Variants in RASL12 observed in about 807,000 individuals in gnomAD.
The protein encoded by RASL12 is RAS like family 12.
Under a neutral mutation model 22.9 loss-of-function variants are expected in RASL12, and 16 were observed. The ratio of observed to expected loss-of-function variants is 0.70; its 90% CI spans 0.47 to 1.06. The LOEUF (loss-of-function observed/expected upper bound fraction) is 1.06, where lower values mean the gene tolerates loss of function less well. Ranked by LOEUF, RASL12 falls within the 50% of genes least tolerant of loss-of-function variation. The probability of loss-of-function intolerance (pLI) is 0.00; values close to 1 mark genes in which losing one functional copy is unlikely to be tolerated. For missense variants in RASL12, 306 were observed against 353.1 expected (o/e 0.87, Z 1.07); for synonymous variants, 159 against 152.2 (o/e 1.04, Z -0.33).
intron 1 of RASL12, among the ~76,000 whole-genome samples, chr15:65,076,290 A>C (rs2086968600): frequency 1.3e-5 from 2 of 152,016 alleles, no homozygotes; most frequent in South Asian, 4.2e-4. Context: ...GAGCTGTAAC[A>C]CTCACCGTGA....
In RASL12 at chr15:65,055,054, G is replaced by T; in HGVS notation, c.646C>A (p.Leu216Met). The T allele has an allele frequency of 6.2e-7, 1 of 1,613,470 alleles. No individual in the cohort carries two copies. The highest frequency in any genetic ancestry group is 2.2e-5 in the East Asian group (1 of 44,866). The change falls in exon 5 of 5, where the codon CTG becomes ATG. Residue 216 changes from leucine to methionine, a missense_variant. Transcript: ENST00000220062. ...HQAPLTARHG[L>M]ASCTFNTLST... is the part of the protein sequence containing the mutation. ...AGCGTGTTGAAGGTGCAGCTGGCCA[G>T]CCCATGCCGCGCGGTGAGCGGGGCC...
chr15:65,072,379 C>T (rs2086937866), upstream of RASL12, among the ~76,000 whole-genome samples: 1 of 152,196 alleles, frequency 6.6e-6, no homozygotes, highest in Non-Finnish European at 1.5e-5. Flanking sequence ...AGGGGAGGCA[C>T]ATTTGTGTTG....
At position 65,067,959 on chromosome 15, in the gene RASL12, C is replaced by A; in HGVS notation, c.-124G>T. 1 of 1,189,344 alleles carries A rather than the reference C, an allele frequency of 8.4e-7. No homozygotes were observed. The highest frequency in any genetic ancestry group is 1.0e-6 in the Non-Finnish European group (1 of 960,730). The allele number at this position is 1,189,344 out of a possible 1,614,324, so 73.7% of individuals were successfully genotyped here. On this transcript the variant is annotated 5_prime_UTR_variant, in exon 1 of 5. Transcript: ENST00000220062. ...GAGCGCGCGGCCCCGGACCCGTCGG[C>A]GTCCGCGCCCTCGGCCCCGCGTCCA... is the stretch of plus-strand genomic sequence containing the variant.
chr15:65,065,177 G>A, intron 2 of RASL12, 40 bp downstream of exon 2: 4 of 1,597,550 alleles, frequency 2.5e-6, no homozygotes, highest in South Asian at 1.1e-5. Flanking sequence ...CACTCCAGAT[G>A]GGGCACAGGC....
chr15:65,058,718 T>C (rs2086766726), intron 3 of RASL12, 101 bp from the exon 4 acceptor site: 3 of 882,632 alleles, frequency 3.4e-6, no homozygotes, highest in African/African-American at 1.7e-5. Flanking sequence ...CCGGTCTTTG[T>C]ATATTGTTTC....
upstream of RASL12, among the ~76,000 whole-genome samples, chr15:65,072,727 G>A (rs943996828): frequency 6.6e-6 from 1 of 152,160 alleles, no homozygotes; most frequent in Admixed American, 6.5e-5. Context: ...GGAGGCCTGA[G>A]GCTGTCTGCT....
chr15:65,050,225 G>A (rs2086631777), downstream of RASL12: 1 of 760,880 alleles, frequency 1.3e-6, no homozygotes, highest in Non-Finnish European at 2.2e-6. Flanking sequence ...CCAAGACAGG[G>A]AATCAGTCGG....
At chr15:65,063,893 C>CT (rs2086844040) in intron 2 of RASL12, among the ~76,000 whole-genome samples, 1 of 152,184 alleles carries the variant, frequency 6.6e-6, no homozygotes, top group South Asian at 2.1e-4. Flanking sequence ...GATCAGGGGC[C>CT]TGCTGCAGGG....
chr15:65,055,509 T>C (rs2086720915), intron 4 of RASL12, among the ~76,000 whole-genome samples: 1 of 152,092 alleles, frequency 6.6e-6, no homozygotes, highest in South Asian at 2.1e-4. Flanking sequence ...TGGCACAGAG[T>C]CAGTGCTCAA....
downstream of RASL12, chr15:65,051,404 C>A: frequency 1.0e-6 from 1 of 1,000,178 alleles, no homozygotes; most frequent in Non-Finnish European, 1.6e-6. Flanking sequence ...GGTCTCCACG[C>A]AAAGGACAGT....
Position 65,058,467 on chromosome 15 carries a change from C to A in RASL12, c.385G>T (p.Ala129Ser), listed in dbSNP as rs1242532540. The change falls in exon 4 of 5, where the codon GCC becomes TCC. Residue 129 changes from alanine (A) to serine (S), a missense_variant. By Grantham distance (99) the Ala-to-Ser change is moderately conservative (BLOSUM62 1). Coordinates refer to ENST00000220062, the MANE Select transcript of RASL12 (RefSeq NM_016563.4). Reference sequence around the variant, plus strand: ...TCCAGCTTGTTGCCCAGCAGCAGGGCAGGGATGCTGCGCTGTGTCTCCTTC... The same window carrying A: ...TCCAGCTTGTTGCCCAGCAGCAGGGAAGGGATGCTGCGCTGTGTCTCCTTC... ...HAKETQRSIP[A>S]LLLGNKLDMA... is the part of the protein sequence containing the mutation. The A allele has an allele frequency of 6.3e-7, 1 of 1,597,880 alleles. No individual in the cohort carries two copies. Among genetic ancestry groups the A allele is most frequent in the Admixed American group, 1.7e-5 (1 of 59,094 alleles).
In RASL12 at chr15:65,055,229, C is replaced by T; in HGVS notation, c.471G>A (p.Gly157=). 3 of 1,602,634 alleles carry T rather than the reference C, an allele frequency of 1.9e-6. No homozygotes were observed. The highest frequency in any genetic ancestry group is 2.6e-6 in the Non-Finnish European group (3 of 1,174,624). Residue 157 remains glycine, a synonymous_variant, in exon 5 of 5, where the codon GGG becomes GGA. Coordinates refer to ENST00000220062, the MANE Select transcript of RASL12 (RefSeq NM_016563.4). ...AEGVALAGRF[G]CLFFEVSACL... ...AGGCAGAGACCTCGAAAAACAGGCA[C>T]CCAAACCTGCCTGCCAAAGCCACAC...
intron 1 of RASL12, among the ~76,000 whole-genome samples, chr15:65,075,544 C>T (rs1038361431): frequency 1.3e-5 from 2 of 152,232 alleles, no homozygotes; most frequent in Non-Finnish European, 2.9e-5. Context: ...TGTGAATACA[C>T]CAATCGGCAC....
chr15:65,051,599 C>T (rs879103777), downstream of RASL12: 2 of 1,613,192 alleles, frequency 1.2e-6, no homozygotes, highest in Non-Finnish European at 1.7e-6. Context: ...AGCATCCAGG[C>T]AAGCAGGTGA....
chr15:65,057,490 C>T (rs1046014860), intron 4 of RASL12, among the ~76,000 whole-genome samples: 3 of 152,160 alleles, frequency 2.0e-5, no homozygotes, highest in African/African-American at 7.2e-5. Flanking sequence ...CTGGAGAGAG[C>T]GTGCCCCACC....
At chr15:65,047,844 C>T in the RASL12 span, among the ~76,000 whole-genome samples, 1 of 149,964 alleles carries the variant, frequency 6.7e-6, no homozygotes, top group South Asian at 2.1e-4. Context: ...TAGAATCTCC[C>T]TCAAATGAGT....
Position 65,055,013 on chromosome 15 carries a change from C to A in RASL12, c.687G>T (p.Leu229=). The A allele has an allele frequency of 6.2e-7, 1 of 1,614,068 alleles. No homozygotes were observed. The highest frequency in any genetic ancestry group is 8.5e-7 in the Non-Finnish European group (1 of 1,179,980). Residue 229 remains leucine (L), a synonymous_variant, in exon 5 of 5, where the codon CTG becomes CTT. Transcript: ENST00000220062. ...CTFNTLSTIN[L]KEMPTVAQAK... ...CCTGGGCCACAGTGGGCATCTCCTTCAGGTTGATGGTGGAGAGCGTGTTGA... is the reference window on the plus strand; with the variant it reads ...CCTGGGCCACAGTGGGCATCTCCTTAAGGTTGATGGTGGAGAGCGTGTTGA...
At position 65,067,948 on chromosome 15, in the gene RASL12, G is replaced by A. The variant is rs2086900419; in HGVS notation, c.-113C>T. On this transcript the variant is annotated 5_prime_UTR_variant, in exon 1 of 5. Transcript: ENST00000220062. ...AGGCTTCCCTGGAGCGCGCGGCCCCGGACCCGTCGGCGTCCGCGCCCTCGG... is the reference window on the plus strand; with the variant it reads ...AGGCTTCCCTGGAGCGCGCGGCCCCAGACCCGTCGGCGTCCGCGCCCTCGG... 4 of 1,201,646 alleles carry A rather than the reference G, an allele frequency of 3.3e-6. No individual in the cohort carries two copies. The highest frequency in any genetic ancestry group is 4.1e-6 in the Non-Finnish European group (4 of 968,716). 74.4% of individuals were successfully genotyped at this position (1,201,646 alleles called of 1,614,324 possible). A position where few individuals can be genotyped will look rare whatever the true frequency, so the allele number is the denominator to read the frequency against.
the RASL12 span, among the ~76,000 whole-genome samples, chr15:65,045,997 C>G: frequency 6.6e-6 from 1 of 152,298 alleles, no homozygotes; most frequent in African/African-American, 2.4e-5. Flanking sequence ...GAAACCCCAT[C>G]TCTACTAAAA....
Sources: gnomAD v4.1 joint callset for allele counts (sites outside exome capture counted in the v4.1 genomes callset) on GRCh38, gnomAD v4.1.1 for gene constraint, MANE v1.5 for transcripts, NCBI Gene and HGNC (gene_info 2026-07-23, HGNC 2026-07-21) for gene names.